The following CCDC91 variants were observed in gnomAD, a reference collection of about 807,000 sequenced individuals.
The protein encoded by CCDC91 is coiled-coil domain containing 91, also known as coiled-coil domain-containing protein 91.
A neutral mutation model predicts 63.2 loss-of-function variants in CCDC91; 48 were observed. The observed-to-expected ratio is 0.76, with a 90% CI of 0.60 to 0.97. The LOEUF (loss-of-function observed/expected upper bound fraction) is 0.97, where lower values mean the gene tolerates loss of function less well. Among genes scored for constraint, CCDC91 ranks in the 50% least tolerant of loss-of-function variants. CCDC91 has a pLI of 0.00. For synonymous variants in CCDC91, 167 were observed against 165.8 expected (o/e 1.01, Z -0.06); for missense variants, 500 against 494.6 (o/e 1.01, Z -0.10).
intron 3 of CCDC91, among the ~76,000 whole-genome samples, chr12:28,263,626 T>A (rs546634103): frequency 6.6e-6 from 1 of 152,200 alleles, no homozygotes; most frequent in East Asian, 1.9e-4. Context: ...TACCTTTGAC[T>A]ATTGCAAATA....
intron 3 of CCDC91, among the ~76,000 whole-genome samples, chr12:28,292,619 C>A (rs1309777343): frequency 6.6e-6 from 1 of 150,380 alleles, no homozygotes; most frequent in Non-Finnish European, 1.5e-5. Context: ...GGTGTGATGA[C>A]TAAGTTTTTT....
chr12:28,503,121 G>A (rs1389647550), intron 12 of CCDC91, among the ~76,000 whole-genome samples: 3 of 152,072 alleles, frequency 2.0e-5, no homozygotes, highest in African/African-American at 7.2e-5. Flanking sequence ...CACAGCAAAA[G>A]AAACTACCAT....
intron 3 of CCDC91, among the ~76,000 whole-genome samples, chr12:28,270,395 A>C (rs1356251809): frequency 1.3e-5 from 2 of 152,160 alleles, no homozygotes. Context: ...AGAAAAGTGG[A>C]TAAAAGGTGA....
At chr12:28,466,303 TATA>T (rs1950547391) in intron 11 of CCDC91, among the ~76,000 whole-genome samples, 1 of 152,074 alleles carries the variant, frequency 6.6e-6, no homozygotes, top group Non-Finnish European at 1.5e-5. Context: ...TATTCAAAGG[TATA>T]ATAACAGAAA....
intron 12 of CCDC91, among the ~76,000 whole-genome samples, chr12:28,514,020 T>C (rs1320907887): frequency 2.0e-5 from 3 of 151,888 alleles, no homozygotes; most frequent in Non-Finnish European, 4.4e-5. Flanking sequence ...TGTTTTTAGC[T>C]CTTTGAGGAA....
intron 12 of CCDC91, among the ~76,000 whole-genome samples, chr12:28,526,188 A>G (rs1451150331): frequency 1.4e-5 from 2 of 145,736 alleles, no homozygotes; most frequent in East Asian, 4.0e-4. Flanking sequence ...TTTTTGTTTT[A>G]TAGGTCCTGT....
intron 8 of CCDC91, among the ~76,000 whole-genome samples, chr12:28,442,337 A>G (rs1378337755): frequency 1.3e-5 from 2 of 152,128 alleles, no homozygotes; most frequent in Non-Finnish European, 2.9e-5. Flanking sequence ...TATGTGTATG[A>G]AATGATGAGG....
At chr12:28,249,440 A>G (rs1246189401) in intron 1 of CCDC91, among the ~76,000 whole-genome samples, 1 of 152,180 alleles carries the variant, frequency 6.6e-6, no homozygotes, top group South Asian at 2.1e-4. Flanking sequence ...TTGGGCCTAA[A>G]TCTGAAATGA....
chr12:28,544,622 A>G (rs1309981267), intron 12 of CCDC91, among the ~76,000 whole-genome samples: 1 of 152,024 alleles, frequency 6.6e-6, no homozygotes, highest in African/African-American at 2.4e-5. Flanking sequence ...ACACACACAC[A>G]TACACATACA....
At chr12:28,493,770 A>G (rs1952138036) in intron 12 of CCDC91, among the ~76,000 whole-genome samples, 1 of 151,714 alleles carries the variant, frequency 6.6e-6, no homozygotes, top group Non-Finnish European at 1.5e-5. Context: ...AAAAACAAAA[A>G]TGTGCTCACT....
intron 11 of CCDC91, among the ~76,000 whole-genome samples, chr12:28,453,025 A>T (rs1435892460): frequency 6.6e-6 from 1 of 151,886 alleles, no homozygotes; most frequent in African/African-American, 2.4e-5. Context: ...ATACAAAATA[A>T]TATATTTGTG....
At chr12:28,302,536 A>G (rs999311689) in intron 3 of CCDC91, 1 of 593,162 alleles carries the variant, frequency 1.7e-6, no homozygotes, top group African/African-American at 2.0e-5. Context: ...GTTAATGTTT[A>G]AATTTGAATC....
intron 12 of CCDC91, among the ~76,000 whole-genome samples, chr12:28,535,496 A>G (rs1310658425): frequency 6.6e-6 from 1 of 152,218 alleles, no homozygotes; most frequent in Non-Finnish European, 1.5e-5. Flanking sequence ...ACACTGCAGC[A>G]AAGAGCAGAT....
At chr12:28,548,930 A>G in intron 12 of CCDC91, 133 bp from the exon 13 acceptor site, 1 of 593,146 alleles carries the variant, frequency 1.7e-6, no homozygotes, top group Non-Finnish European at 3.1e-6. Flanking sequence ...ATTCAGTTGA[A>G]AGTACTATTT....
intron 7 of CCDC91, among the ~76,000 whole-genome samples, chr12:28,389,643 A>G (rs1416622196): frequency 6.6e-6 from 1 of 152,106 alleles, no homozygotes; most frequent in Non-Finnish European, 1.5e-5. Flanking sequence ...TTGCAGTTGA[A>G]TATTGAGTAT....
chr12:28,434,607 T>G lies in CCDC91; in HGVS notation c.763-15554T>G, dbSNP rs569191569. 8.6e-3 allele frequency among the ~76,000 whole-genome samples: 1,137 copies of G among 132,430 alleles called. 3 individuals carry two copies. Among genetic ancestry groups the G allele is most frequent in the Non-Finnish European group, 0.015 (877 of 56,604 alleles). The allele number at this position is 132,430 out of a possible 152,430, so 86.9% of individuals were successfully genotyped here. ...GGCCTTGGTCTGGTTTTTTTTTTTTTTTTTTTTTTTTTGATTGGGGGGTGG... is the reference window on the plus strand; with the variant it reads ...GGCCTTGGTCTGGTTTTTTTTTTTTGTTTTTTTTTTTTGATTGGGGGGTGG... On this transcript the variant is annotated intron_variant, in intron 8 of 12. Coordinates refer to ENST00000536442, the MANE Select transcript of CCDC91 (RefSeq NM_018318.5).
chr12:28,526,607 T>C (rs150052217), intron 12 of CCDC91, among the ~76,000 whole-genome samples: 2 of 152,246 alleles, frequency 1.3e-5, no homozygotes, highest in Admixed American at 1.3e-4. Flanking sequence ...TATGATGAAT[T>C]TCCCAGGTGT....
At chr12:28,540,206 T>A (rs1942525965) in intron 12 of CCDC91, among the ~76,000 whole-genome samples, 1 of 152,138 alleles carries the variant, frequency 6.6e-6, no homozygotes, top group Non-Finnish European at 1.5e-5. Context: ...TAGTCTGTTG[T>A]TTTCATACAT....
chr12:28,334,739 A>G (rs1434665360), intron 6 of CCDC91, among the ~76,000 whole-genome samples: 1 of 152,172 alleles, frequency 6.6e-6, no homozygotes, highest in Non-Finnish European at 1.5e-5. Context: ...GGGCAGTATC[A>G]TATACATTTA....
Sources: gnomAD v4.1 joint callset for allele counts (sites outside exome capture counted in the v4.1 genomes callset) on GRCh38, gnomAD v4.1.1 for gene constraint, MANE v1.5 for transcripts, NCBI Gene and HGNC (gene_info 2026-07-23, HGNC 2026-07-21) for gene names.